Variants in SEZ6L observed in about 807,000 individuals in gnomAD.
The protein encoded by SEZ6L is seizure 6-like protein.
In SEZ6L, 37 loss-of-function variants were observed where a neutral mutation model predicts 106.2. The ratio of observed to expected loss-of-function variants is 0.35; its 90% CI spans 0.27 to 0.46. The LOEUF (loss-of-function observed/expected upper bound fraction) is 0.46, where lower values mean the gene tolerates loss of function less well. SEZ6L is among the 20% of genes least tolerant of loss of function. SEZ6L has a pLI of 1.00. For synonymous variants in SEZ6L, 541 were observed against 570.4 expected (o/e 0.95, Z 0.73); for missense variants, 1,172 against 1,332.8 (o/e 0.88, Z 1.88).
At chr22:26,298,190 C>A (rs1283274119) in intron 4 of SEZ6L, among the ~76,000 whole-genome samples, 1 of 104,368 alleles carries the variant, frequency 9.6e-6, no homozygotes, top group African/African-American at 2.9e-5. Context: ...AATTTAAAAG[C>A]AACAACAAAA....
At chr22:26,185,704 A>G (rs1939728164) in intron 1 of SEZ6L, among the ~76,000 whole-genome samples, 1 of 151,980 alleles carries the variant, frequency 6.6e-6, no homozygotes, top group African/African-American at 2.4e-5. Context: ...CATATGCTAA[A>G]CCCTTTACTC....
intron 1 of SEZ6L, among the ~76,000 whole-genome samples, chr22:26,202,423 A>G (rs1443318879): frequency 6.6e-6 from 1 of 152,186 alleles, no homozygotes; most frequent in Non-Finnish European, 1.5e-5. Flanking sequence ...TCATAAATTC[A>G]TGATGGCACA....
intron 1 of SEZ6L, among the ~76,000 whole-genome samples, chr22:26,221,975 CA>C (rs1210497594): frequency 6.6e-6 from 1 of 152,188 alleles, no homozygotes; most frequent in Non-Finnish European, 1.5e-5. Flanking sequence ...ATGTTGTCAA[CA>C]AGCTTGTGGG....
At chr22:26,320,675 C>T (rs931141322) in intron 9 of SEZ6L, among the ~76,000 whole-genome samples, 6 of 152,204 alleles carry the variant, frequency 3.9e-5, no homozygotes, top group Non-Finnish European at 7.3e-5. Flanking sequence ...GGAAATACAG[C>T]ACTCTGGGGG....
Position 26,340,526 on chromosome 22 carries a change from C to T in SEZ6L, c.2106C>T (p.Gly702=). ...TGGGGCAGTACCTTGGGAACAGTGG[C>T]CCCCAGAAACTGTACTCCTCCACGC... is the stretch of plus-strand genomic sequence containing the variant. ...HILGQYLGNS[G]PQKLYSSTPD... is the part of the protein sequence containing the mutation. Residue 702 remains glycine, a synonymous_variant, in exon 10 of 17, where the codon GGC becomes GGT. Transcript: ENST00000248933. The T allele has an allele frequency of 1.2e-6, 2 of 1,614,084 alleles. No individual in the cohort carries two copies. Among genetic ancestry groups the T allele is most frequent in the South Asian group, 1.1e-5 (1 of 91,068 alleles).
intron 1 of SEZ6L, among the ~76,000 whole-genome samples, chr22:26,231,558 TTGCAGTAGGGGA>T (rs1386684336): frequency 6.6e-6 from 1 of 152,204 alleles, no homozygotes; most frequent in Non-Finnish European, 1.5e-5. Context: ...CAGTGAGAGT[TTGCAGTAGGGGA>T]TGCAGTTTCT....
At chr22:26,191,617 A>G (rs1180506002) in intron 1 of SEZ6L, among the ~76,000 whole-genome samples, 1 of 152,140 alleles carries the variant, frequency 6.6e-6, no homozygotes, top group Non-Finnish European at 1.5e-5. Context: ...GGAGAGCATC[A>G]GGAAGAATAG....
chr22:26,317,110 A>G (rs928279352), intron 9 of SEZ6L, among the ~76,000 whole-genome samples: 3 of 152,142 alleles, frequency 2.0e-5, no homozygotes, highest in Non-Finnish European at 4.4e-5. Context: ...AAAGCATGGC[A>G]GGTGGGTAGA....
chr22:26,288,977 A>G (rs1308865950), intron 1 of SEZ6L, among the ~76,000 whole-genome samples: 1 of 152,242 alleles, frequency 6.6e-6, no homozygotes, highest in Non-Finnish European at 1.5e-5. Flanking sequence ...CCAATTTAGC[A>G]GGGTTAACAA....
chr22:26,282,001 T>C (rs762359471), intron 1 of SEZ6L, among the ~76,000 whole-genome samples: 20 of 152,270 alleles, frequency 1.3e-4, no homozygotes, highest in Non-Finnish European at 1.9e-4. Context: ...CTTATTGATG[T>C]ATTCTTGATT....
At chr22:26,199,708 G>A (rs1298898496) in intron 1 of SEZ6L, among the ~76,000 whole-genome samples, 3 of 152,172 alleles carry the variant, frequency 2.0e-5, no homozygotes, top group African/African-American at 7.2e-5. Flanking sequence ...TAGCAGTTTG[G>A]TGAATTCCCT....
intron 12 of SEZ6L, among the ~76,000 whole-genome samples, chr22:26,357,299 C>T (rs2083470348): frequency 6.6e-6 from 1 of 152,124 alleles, no homozygotes; most frequent in South Asian, 2.1e-4. Context: ...CTGGTGGCAT[C>T]CTGGGTCACC....
chr22:26,369,631 G>C (rs1053760410), intron 13 of SEZ6L, among the ~76,000 whole-genome samples: 9 of 146,154 alleles, frequency 6.2e-5, no homozygotes, highest in Admixed American at 2.8e-4. Flanking sequence ...GAGTCACTGC[G>C]CCCGGCCGTA....
intron 1 of SEZ6L, among the ~76,000 whole-genome samples, chr22:26,177,672 C>T (rs777881408): frequency 2.6e-5 from 4 of 152,126 alleles, no homozygotes; most frequent in African/African-American, 4.8e-5. Flanking sequence ...AGATGTGTAT[C>T]CTTAGTCAAG....
intron 1 of SEZ6L, chr22:26,243,002 G>A (rs4239917): frequency 0.23 from 34,697 of 152,150 alleles, 4,414 homozygotes; most frequent in East Asian, 0.42. Flanking sequence ...AATCTGTTCC[G>A]TATCTTTGTT....
At chr22:26,296,038 G>A (rs1569450688) in intron 3 of SEZ6L, among the ~76,000 whole-genome samples, 1 of 152,148 alleles carries the variant, frequency 6.6e-6, no homozygotes. Context: ...TTAGAGGAGA[G>A]GCAGAGAAAC....
intron 1 of SEZ6L, among the ~76,000 whole-genome samples, chr22:26,195,804 GT>G (rs1940544705): frequency 2.0e-5 from 3 of 151,658 alleles, no homozygotes; most frequent in Non-Finnish European, 2.9e-5. Context: ...TATATATATA[GT>G]TTGTGTGTGT....
rs765236032 is a variant in SEZ6L at position 26,296,930 on chromosome 22, C to T, written c.1012C>T (p.Arg338Cys). ...NLSDGELLSIRGVDGPTLTVL... is the reference protein window; with the variant it reads ...NLSDGELLSICGVDGPTLTVL... ...GTCCGATGGGGAACTGCTCTCCATC[C>T]GCGGGGTGGACGGCCCTACCCTGAC... The change falls in exon 4 of 17, where the codon CGC (arginine) becomes TGC (cysteine). Residue 338 changes from arginine to cysteine, a missense_variant. Arg to Cys is a radical substitution (Grantham distance 180). Transcript: ENST00000248933. The T allele has an allele frequency of 8.1e-6, 13 of 1,612,630 alleles. No homozygotes were observed. The Admixed American group carries it at 1.3e-4, about 17-fold the overall frequency.
intron 13 of SEZ6L, among the ~76,000 whole-genome samples, chr22:26,367,554 A>G (rs897311440): frequency 6.6e-6 from 1 of 152,072 alleles, no homozygotes; most frequent in Non-Finnish European, 1.5e-5. Context: ...TATGTTGCCC[A>G]GGCTGGTCTC....
Sources: allele counts gnomAD v4.1 joint callset (sites outside exome capture counted in the v4.1 genomes callset), GRCh38; gene constraint gnomAD v4.1.1; transcripts MANE v1.5; gene names NCBI Gene and HGNC (gene_info 2026-07-23, HGNC 2026-07-21).